The following KCNJ16 variants were observed in gnomAD, a reference collection of about 807,000 sequenced individuals.
The protein encoded by KCNJ16 is inward rectifier potassium channel 16.
A neutral mutation model predicts 18.5 loss-of-function variants in KCNJ16; 15 were observed. That is an observed-to-expected ratio of 0.81 (90% confidence interval 0.54 to 1.25). The LOEUF (loss-of-function observed/expected upper bound fraction) is 1.25, where lower values mean the gene tolerates loss of function less well. KCNJ16 is among the 50% of genes most tolerant of loss of function. The probability of loss-of-function intolerance (pLI) is 0.00; values close to 1 mark genes in which losing one functional copy is unlikely to be tolerated. For synonymous variants in KCNJ16, 174 were observed against 186.5 expected (o/e 0.93, Z 0.55); for missense variants, 523 against 525.7 (o/e 0.99, Z 0.05).
chr17:70,083,066 TA>T (rs2071622024), intron 1 of KCNJ16, among the ~76,000 whole-genome samples: 1 of 151,836 alleles, frequency 6.6e-6, no homozygotes. Flanking sequence ...CATATTTATC[TA>T]TTATTGAGAT....
At chr17:70,079,596 C>G (rs1042041939) in intron 1 of KCNJ16, among the ~76,000 whole-genome samples, 11 of 152,190 alleles carry the variant, frequency 7.2e-5, no homozygotes, top group Non-Finnish European at 1.3e-4. Context: ...AAGAATCATA[C>G]TTTAGTAATC....
chr17:70,106,532 A>T (rs1389876133), intron 2 of KCNJ16, among the ~76,000 whole-genome samples: 4 of 152,160 alleles, frequency 2.6e-5, no homozygotes, highest in Non-Finnish European at 5.9e-5. Flanking sequence ...AAGTGGTGCA[A>T]TTCCAAAGAT....
chr17:70,092,547 G>C (rs58560356), intron 1 of KCNJ16, among the ~76,000 whole-genome samples: 6 of 81,810 alleles, frequency 7.3e-5, no homozygotes, highest in African/African-American at 2.2e-4. Flanking sequence ...GATATAGATA[G>C]ATATAGATAG....
At chr17:70,112,276 T>C (rs12936361) in intron 2 of KCNJ16, among the ~76,000 whole-genome samples, 29,125 of 152,010 alleles carry the variant, frequency 0.19, 2,930 homozygotes, top group East Asian at 0.32. Context: ...TATTATGTCT[T>C]CTCTCGTAAA....
chr17:70,113,048 CA>C (rs1231004104), intron 2 of KCNJ16, among the ~76,000 whole-genome samples: 1 of 152,026 alleles, frequency 6.6e-6, no homozygotes, highest in Non-Finnish European at 1.5e-5. Flanking sequence ...AGCTTGATTT[CA>C]AGGGAACAAA....
chr17:70,077,892 T>G (rs1307362450), intron 1 of KCNJ16, among the ~76,000 whole-genome samples: 1 of 152,172 alleles, frequency 6.6e-6, no homozygotes, highest in Non-Finnish European at 1.5e-5. Flanking sequence ...ATAGTTTATC[T>G]GAAATGCATT....
chr17:70,088,792 G>A (rs1393289603), intron 1 of KCNJ16, among the ~76,000 whole-genome samples: 2 of 151,884 alleles, frequency 1.3e-5, no homozygotes, highest in African/African-American at 4.8e-5. Context: ...GGCATGACCT[G>A]TTTATTTATG....
chr17:70,090,544 T>C (rs1033861023), intron 1 of KCNJ16, among the ~76,000 whole-genome samples: 3 of 152,320 alleles, frequency 2.0e-5, no homozygotes, highest in African/African-American at 4.8e-5. Flanking sequence ...ACGATAGACA[T>C]TGAAAAACCC....
Position 70,133,442 on chromosome 17 carries a change from G to A in KCNJ16, c.*98G>A. 1 of 930,470 alleles carries A rather than the reference G, an allele frequency of 1.1e-6. No individual in the cohort carries two copies. Among genetic ancestry groups the A allele is most frequent in the South Asian group, 1.7e-5 (1 of 57,196 alleles). The allele number at this position is 930,470 out of a possible 1,614,324, so 57.6% of individuals were successfully genotyped here. ...GCTTTTTTGAAAGTGTTATGGCTAT[G>A]TTTTATGATGATGCTGGGTAAGTAG... On this transcript the variant is annotated 3_prime_UTR_variant, in exon 4 of 4. Coordinates refer to ENST00000392671, the MANE Select transcript of KCNJ16 (RefSeq NM_170741.4).
intron 1 of KCNJ16, among the ~76,000 whole-genome samples, chr17:70,090,168 G>A (rs1266057938): frequency 6.6e-6 from 1 of 152,214 alleles, no homozygotes; most frequent in Admixed American, 6.5e-5. Context: ...TCTGTCCAAA[G>A]GGACAGGGAT....
At chr17:70,095,727 T>G (rs1598110895) in intron 1 of KCNJ16, among the ~76,000 whole-genome samples, 1 of 152,184 alleles carries the variant, frequency 6.6e-6, no homozygotes, top group Non-Finnish European at 1.5e-5. Flanking sequence ...AGATTAGCCC[T>G]GCCCAGATTT....
rs538467015 is a variant in KCNJ16 at position 70,126,538 on chromosome 17, T to C, written c.-190-4341T>C. 7.9e-5 allele frequency among the ~76,000 whole-genome samples: 12 copies of C among 152,308 alleles called. No individual in the cohort carries two copies. In the East Asian group the frequency reaches 2.3e-3, roughly 29 times the overall value. On this transcript the variant is annotated intron_variant, in intron 2 of 3. Coordinates refer to ENST00000392671, the MANE Select transcript of KCNJ16 (RefSeq NM_170741.4). ...CAAACTTCACAGTACTTTGGTGACATAGGTATCATAACCTTATTTCATGAA... is the reference window on the plus strand; with the variant it reads ...CAAACTTCACAGTACTTTGGTGACACAGGTATCATAACCTTATTTCATGAA...
At position 70,132,717 on chromosome 17, in the gene KCNJ16, C is replaced by T. The variant is rs199847474; in HGVS notation, c.630C>T (p.His210=). 6.8e-6 allele frequency: 11 copies of T among 1,614,060 alleles called. No homozygotes were observed. The highest frequency in any genetic ancestry group is 4.4e-5 in the South Asian group (4 of 91,086). The change falls in exon 4 of 4, where the codon CAC becomes CAT. Residue 210 remains histidine (H), a synonymous_variant. Transcript: ENST00000392671. ...MWRIGDFRPN[H]VVEGTVRAQL... Reference sequence around the variant, plus strand: ...GCATTGGTGATTTTCGGCCAAACCACGTGGTAGAAGGAACAGTTAGAGCCC... The same window carrying T: ...GCATTGGTGATTTTCGGCCAAACCATGTGGTAGAAGGAACAGTTAGAGCCC...
chr17:70,131,406 A>C, intron 3 of KCNJ16: 1 of 1,013,810 alleles, frequency 9.9e-7, no homozygotes, highest in Non-Finnish European at 1.2e-6. Flanking sequence ...TACTCCTGTC[A>C]GTTCTGTTTG....
intron 2 of KCNJ16, among the ~76,000 whole-genome samples, chr17:70,104,520 A>G (rs2072819893): frequency 6.6e-6 from 1 of 152,202 alleles, no homozygotes; most frequent in African/African-American, 2.4e-5. Flanking sequence ...TTTGCATAGA[A>G]AAATCTTTGC....
At chr17:70,104,264 C>G (rs1402368093) in intron 2 of KCNJ16, among the ~76,000 whole-genome samples, 2 of 152,116 alleles carry the variant, frequency 1.3e-5, no homozygotes, top group African/African-American at 4.8e-5. Flanking sequence ...CTGCACCTGG[C>G]AAGTAATGCT....
At chr17:70,085,236 A>G (rs1287615098) in intron 1 of KCNJ16, among the ~76,000 whole-genome samples, 2 of 152,254 alleles carry the variant, frequency 1.3e-5, no homozygotes, top group Non-Finnish European at 2.9e-5. Flanking sequence ...AACATGTGTC[A>G]GACATTACAT....
chr17:70,121,333 G>A (rs866161107), intron 2 of KCNJ16, among the ~76,000 whole-genome samples: 2 of 152,090 alleles, frequency 1.3e-5, no homozygotes, highest in Non-Finnish European at 2.9e-5. Context: ...ATATGTAGCC[G>A]CAGACCTTAA....
chr17:70,104,783 T>G (rs1204112089), intron 2 of KCNJ16: 1 of 152,662 alleles, frequency 6.6e-6, no homozygotes, highest in Non-Finnish European at 1.5e-5. Context: ...CCGCCACCAT[T>G]GGCAAGACTA....
Sources: allele counts gnomAD v4.1 joint callset (sites outside exome capture counted in the v4.1 genomes callset), GRCh38; gene constraint gnomAD v4.1.1; transcripts MANE v1.5; gene names NCBI Gene and HGNC (gene_info 2026-07-23, HGNC 2026-07-21).